MKNK1: variants seen among roughly 807,000 people sequenced by gnomAD.
MKNK1 encodes MAP kinase-interacting serine/threonine-protein kinase 1.
A neutral mutation model predicts 49.3 loss-of-function variants in MKNK1; 30 were observed. The ratio of observed to expected loss-of-function variants is 0.61; its 90% CI spans 0.46 to 0.83. The LOEUF (loss-of-function observed/expected upper bound fraction) is 0.83, where lower values mean the gene tolerates loss of function less well. Ranked by LOEUF, MKNK1 falls within the 40% of genes least tolerant of loss-of-function variation. MKNK1 has a pLI of 0.00. For missense variants in MKNK1, 423 were observed against 524.7 expected (o/e 0.81, Z 1.89); for synonymous variants, 176 against 201.7 (o/e 0.87, Z 1.08).
chr1:46,576,283 G>T lies in MKNK1; in HGVS notation c.278+292C>A, dbSNP rs183061590. On this transcript the variant is annotated intron_variant, in intron 5 of 12. Coordinates refer to ENST00000371945, the MANE Select transcript of MKNK1 (RefSeq NM_001135553.4). ...AGTCAACCTAGTTTCCACAGGTACCGAAAGAAATAAAACCCCATTTCCCCC... is the reference window on the plus strand; with the variant it reads ...AGTCAACCTAGTTTCCACAGGTACCTAAAGAAATAAAACCCCATTTCCCCC... 2.7e-5 allele frequency: 9 copies of T among 337,562 alleles called. No homozygotes were observed. In the Admixed American group the frequency reaches 4.1e-4, roughly 15 times the overall value. The allele number at this position is 337,562 out of a possible 1,614,324, so 20.9% of individuals were successfully genotyped here. A position where few individuals can be genotyped will look rare whatever the true frequency, so the allele number is the denominator to read the frequency against.
chr1:46,600,009 A>G (rs1401762577), intron 1 of MKNK1, among the ~76,000 whole-genome samples: 1 of 151,202 alleles, frequency 6.6e-6, no homozygotes, highest in South Asian at 2.1e-4. Flanking sequence ...ACACACACAC[A>G]CCCCTACACC....
chr1:46,562,044 C>T (rs1210121443), intron 10 of MKNK1, among the ~76,000 whole-genome samples: 4 of 152,292 alleles, frequency 2.6e-5, no homozygotes, highest in East Asian at 3.9e-4. Context: ...TATGCCCGTG[C>T]TGTTCCTTCT....
Position 46,562,705 on chromosome 1 carries a change from C to A in MKNK1, c.748G>T (p.Gly250Cys). 1 of 1,580,134 alleles carries A rather than the reference C, an allele frequency of 6.3e-7. No individual in the cohort carries two copies. Among genetic ancestry groups the A allele is most frequent in the East Asian group, 2.3e-5 (1 of 43,468 alleles). The change falls in exon 10 of 13, where the codon GGT becomes TGT. Residue 250 changes from glycine to cysteine, a missense_variant. By Grantham distance (159) the Gly-to-Cys change is radical. Coordinates refer to ENST00000371945, the MANE Select transcript of MKNK1 (RefSeq NM_001135553.4). ...CAGCCACAGTCGGCCCCGCAGTGAC[C>A]CACGAAGGGTGGGTAGCCACTCAGC... ...IMLSGYPPFV[G>C]HCGADCGWDR...
Position 46,568,479 on chromosome 1 carries a change from C to T in MKNK1, c.477G>A (p.Leu159=). The T allele has an allele frequency of 1.2e-6, 2 of 1,614,128 alleles. No individual in the cohort carries two copies. Among genetic ancestry groups the T allele is most frequent in the South Asian group, 2.2e-5 (2 of 91,080 alleles). ...ATTCACACAATATATTTTCTGGTTT[C>T]AGATCACGATGAGCAATGCCTGACA... ...LHTKGIAHRD[L]KPENILCESP... is the part of the protein sequence containing the mutation. The change falls in exon 8 of 13, where the codon CTG becomes CTA. Residue 159 remains leucine, a synonymous_variant. Coordinates refer to ENST00000371945, the MANE Select transcript of MKNK1 (RefSeq NM_001135553.4).
rs1460059928 is a variant in MKNK1 at position 46,574,400 on chromosome 1, G to C, written c.352+547C>G. The C allele has an allele frequency of 2.0e-5, 3 of 152,336 alleles. No individual in the cohort carries two copies. In the East Asian group the frequency reaches 5.8e-4, roughly 29 times the overall value. The allele number at this position is 152,336 out of a possible 1,614,324, so 9.4% of individuals were successfully genotyped here. On this transcript the variant is annotated intron_variant, in intron 6 of 12. Coordinates refer to ENST00000371945, the MANE Select transcript of MKNK1 (RefSeq NM_001135553.4). ...ATCCCTGCAAGTGTGTCCTAAGATT[G>C]GGGGAGTGATGGGAAGGGAAAGGGT...
Position 46,579,677 on chromosome 1 carries a change from G to A in MKNK1, c.198+853C>T, listed in dbSNP as rs75367392. 3.0e-3 allele frequency among the ~76,000 whole-genome samples: 463 copies of A among 152,264 alleles called. 4 individuals carry two copies. The East Asian group carries it at 0.042, about 14-fold the overall frequency. On this transcript the variant is annotated intron_variant, in intron 4 of 12. Coordinates refer to ENST00000371945, the MANE Select transcript of MKNK1 (RefSeq NM_001135553.4). The stretch of plus-strand genomic sequence containing the variant: ...TTCTATTTCTAACAAGTTCCCAAGC[G>A]ATGCTGAGGCTGGTCCAGGGCACAC...
At chr1:46,580,667 AC>A (rs1258274272) in intron 3 of MKNK1, 40 bp from the exon 4 acceptor site, 1 of 1,418,038 alleles carries the variant, frequency 7.1e-7, no homozygotes, top group Non-Finnish European at 1.0e-6. Flanking sequence ...AAGATGAGTC[AC>A]CCTACTGCAA....
chr1:46,560,123 C>T, intron 12 of MKNK1, 111 bp downstream of exon 12: 3 of 1,202,796 alleles, frequency 2.5e-6, no homozygotes, highest in Admixed American at 1.9e-5. Context: ...GGGCAGGGAG[C>T]CCCTTTGGAG....
rs1299844322 is a variant in MKNK1 at position 46,589,423 on chromosome 1, C to T, written c.-3+4690G>A. 6.6e-6 allele frequency among the ~76,000 whole-genome samples: 1 copy of T among 152,172 alleles called. No individual in the cohort carries two copies. Among genetic ancestry groups the T allele is most frequent in the Non-Finnish European group, 1.5e-5 (1 of 68,026 alleles). ...GGCCACTGGTGATCACTCAGGCTGG[C>T]AGGGGCACAGAGCACATGGGAGGAG... is the stretch of plus-strand genomic sequence containing the variant. On this transcript the variant is annotated intron_variant, in intron 2 of 12. Transcript: ENST00000371945. This position sits in a 1 kb window ranked among gnomAD's most constrained non-coding sequence, Gnocchi z 4.3.
At chr1:46,575,313 C>A in intron 5 of MKNK1, 1 of 275,202 alleles carries the variant, frequency 3.6e-6, no homozygotes, top group Non-Finnish European at 6.8e-6. Flanking sequence ...AAGTCCCGGT[C>A]ACATTAAACT....
At chr1:46,601,467 A>T (rs1183251111) in intron 1 of MKNK1, among the ~76,000 whole-genome samples, 6 of 152,224 alleles carry the variant, frequency 3.9e-5, no homozygotes, top group Non-Finnish European at 8.8e-5. Flanking sequence ...ACCACCTGTG[A>T]GCTTTCCCCT....
intron 1 of MKNK1, 95 bp downstream of exon 1, chr1:46,604,089 TG>T (rs1353138349): frequency 1.3e-5 from 2 of 152,234 alleles, no homozygotes; most frequent in African/African-American, 4.8e-5. Flanking sequence ...CGGGCAGCCG[TG>T]AAGGCCCTGA....
intron 6 of MKNK1, 166 bp from the exon 7 acceptor site, chr1:46,572,333 C>T: frequency 2.0e-6 from 1 of 501,820 alleles, no homozygotes; most frequent in Non-Finnish European, 3.6e-6. Context: ...CTGTCTCAGC[C>T]TCCTGAGTAG....
chr1:46,564,973 C>G, intron 9 of MKNK1, 68 bp downstream of exon 9: 1 of 1,469,296 alleles, frequency 6.8e-7, no homozygotes, highest in Non-Finnish European at 9.5e-7. Context: ...ACCCTCTGTT[C>G]TGGACCTCCC....
intron 6 of MKNK1, among the ~76,000 whole-genome samples, chr1:46,573,200 C>T (rs971914148): frequency 5.9e-5 from 9 of 152,206 alleles, no homozygotes; most frequent in African/African-American, 1.7e-4. Context: ...AGGCCCAGGG[C>T]GTCAGTCAGG....
chr1:46,560,089 G>A (rs1667669181), intron 12 of MKNK1, 145 bp downstream of exon 12: 2 of 891,580 alleles, frequency 2.2e-6, no homozygotes, highest in Non-Finnish European at 3.6e-6. Context: ...CAGAGTAGAG[G>A]AAAAGAGAGT....
chr1:46,561,412 C>G (rs1324827596), intron 11 of MKNK1, 66 bp downstream of exon 11: 13 of 1,512,798 alleles, frequency 8.6e-6, no homozygotes, highest in Middle Eastern at 2.4e-4. Flanking sequence ...GCTGGCATGA[C>G]AGCTTCCTTG....
chr1:46,568,249 T>C (rs1669439265), intron 8 of MKNK1, 194 bp downstream of exon 8: 1 of 595,218 alleles, frequency 1.7e-6, no homozygotes, highest in Non-Finnish European at 3.0e-6. Context: ...TCAATCACAC[T>C]GATGATCAAG....
intron 10 of MKNK1, among the ~76,000 whole-genome samples, chr1:46,562,374 C>T (rs1455487122): frequency 6.2e-5 from 7 of 112,314 alleles, no homozygotes; most frequent in Non-Finnish European, 8.3e-5. Context: ...CCAGCCTGGG[C>T]GACAGAGAGA....
Sources: gnomAD v4.1 joint callset for allele counts (sites outside exome capture counted in the v4.1 genomes callset) on GRCh38, gnomAD v4.1.1 for gene constraint, Gnocchi (gnomAD v3.1) non-coding constraint, MANE v1.5 for transcripts, NCBI Gene and HGNC (gene_info 2026-07-23, HGNC 2026-07-21) for gene names.